The following LSAMP variants were observed in gnomAD, a reference collection of about 807,000 sequenced individuals.
LSAMP encodes limbic system associated membrane protein, also known as limbic system-associated membrane protein.
In LSAMP, 7 loss-of-function variants were observed where a neutral mutation model predicts 38.6. That is an observed-to-expected ratio of 0.18 (90% CI 0.10 to 0.34). The LOEUF is 0.34. Ranked by LOEUF, LSAMP falls within the 10% of genes least tolerant of loss-of-function variation. The pLI, the probability that LSAMP is intolerant of heterozygous loss-of-function variation, is 1.00. For missense variants in LSAMP, 313 were observed against 420.0 expected (o/e 0.75, Z 2.23); for synonymous variants, 154 against 166.8 (o/e 0.92, Z 0.59).
intron 3 of LSAMP, among the ~76,000 whole-genome samples, chr3:115,909,470 C>G (rs1249509824): frequency 6.6e-6 from 1 of 152,166 alleles, no homozygotes; most frequent in Non-Finnish European, 1.5e-5. Context: ...CATCATTCAC[C>G]TAGCTTACAT....
intron 2 of LSAMP, among the ~76,000 whole-genome samples, chr3:116,038,395 A>AT (rs1235030670): frequency 6.6e-6 from 1 of 152,302 alleles, no homozygotes; most frequent in South Asian, 2.1e-4. Flanking sequence ...AAGGGAAAGC[A>AT]TGAATAAATG....
At chr3:115,830,629 A>C (rs1273061762) in intron 6 of LSAMP, among the ~76,000 whole-genome samples, 1 of 152,212 alleles carries the variant, frequency 6.6e-6, no homozygotes, top group African/African-American at 2.4e-5. Context: ...TATTATTAAT[A>C]TTATTACCAT....
At chr3:116,430,330 G>A (rs987138231) in intron 1 of LSAMP, among the ~76,000 whole-genome samples, 20 of 151,758 alleles carry the variant, frequency 1.3e-4, no homozygotes, top group African/African-American at 4.8e-4. Flanking sequence ...AGTAATAATA[G>A]AATTCCATTA....
rs577033801 is a variant in LSAMP, at chr3:116,140,322, C to A, written c.156-53766G>T. ...AAATTAATCTTCGATTCTAGAGACACCAGACTTGTTTTTTTTTATGGGGCC... is the reference window on the plus strand; with the variant it reads ...AAATTAATCTTCGATTCTAGAGACAACAGACTTGTTTTTTTTTATGGGGCC... On this transcript the variant is annotated intron_variant, in intron 1 of 6. Coordinates refer to ENST00000490035, the MANE Select transcript of LSAMP (RefSeq NM_002338.5). 4.6e-5 allele frequency among the ~76,000 whole-genome samples: 7 copies of A among 151,370 alleles called. No homozygotes were observed. The East Asian group carries it at 1.4e-3, about 29-fold the overall frequency.
chr3:116,017,573 T>C (rs936393362), intron 3 of LSAMP, among the ~76,000 whole-genome samples: 32 of 152,114 alleles, frequency 2.1e-4, no homozygotes, highest in African/African-American at 6.3e-4. Context: ...TAATCAATTT[T>C]TAATGTGTAA....
rs115846642 is a variant in LSAMP, at chr3:115,869,966, A to G, written c.515-17349T>C. The stretch of plus-strand genomic sequence containing the variant: ...TTGGCAAGCTATGTCCCATGAGCCA[A>G]ATTTGATCTGAGTGATTTTGTATAG... On this transcript the variant is annotated intron_variant, in intron 3 of 6. Transcript: ENST00000490035. Among the ~76,000 whole-genome samples the G allele has an allele frequency of 4.1e-3, 626 of 152,212 alleles. 1 individual carries two copies. The highest frequency in any genetic ancestry group is 0.014 in the African/African-American group (602 of 41,564).
chr3:116,303,778 A>G (rs2047446347), intron 1 of LSAMP, among the ~76,000 whole-genome samples: 1 of 152,208 alleles, frequency 6.6e-6, no homozygotes, highest in Non-Finnish European at 1.5e-5. Flanking sequence ...AGCACAACAG[A>G]TTTAACAACT....
At chr3:115,863,507 A>AAG (rs1204997430) in intron 3 of LSAMP, among the ~76,000 whole-genome samples, 4 of 151,482 alleles carry the variant, frequency 2.6e-5, no homozygotes, top group African/African-American at 9.8e-5. Flanking sequence ...CCTTCTAAAC[A>AAG]ATGGGATTCA....
At chr3:115,824,916 A>G (rs1934360288) in intron 6 of LSAMP, among the ~76,000 whole-genome samples, 1 of 152,140 alleles carries the variant, frequency 6.6e-6, no homozygotes, top group Non-Finnish European at 1.5e-5. Context: ...AGGTCTCCAG[A>G]GATTTACATT....
chr3:115,819,760 C>G (rs1934167279), intron 6 of LSAMP, among the ~76,000 whole-genome samples: 1 of 152,170 alleles, frequency 6.6e-6, no homozygotes, highest in African/African-American at 2.4e-5. Flanking sequence ...CTCCCTATGC[C>G]TGTAATAAAT....
intron 1 of LSAMP, 29 bp downstream of exon 1, chr3:116,444,848 G>GCAGCAGAAAAGTTGCCC: frequency 6.2e-7 from 1 of 1,613,282 alleles, no homozygotes; most frequent in South Asian, 1.1e-5. Flanking sequence ...GTAGACGCGC[G>GCAGCAGAAAAGTTGCCC]CAGCAGAAAA....
intron 1 of LSAMP, among the ~76,000 whole-genome samples, chr3:116,111,202 G>A (rs145709624): frequency 6.6e-6 from 1 of 152,212 alleles, no homozygotes; most frequent in Non-Finnish European, 1.5e-5. Context: ...GGATGCGATG[G>A]CTTGGCTTGG....
chr3:115,844,234 C>T (rs1425306846), intron 4 of LSAMP, among the ~76,000 whole-genome samples: 1 of 152,106 alleles, frequency 6.6e-6, no homozygotes, highest in Non-Finnish European at 1.5e-5. Context: ...TATTTTCAAA[C>T]CCTTAACTAA....
intron 1 of LSAMP, among the ~76,000 whole-genome samples, chr3:116,247,912 G>A (rs1172075381): frequency 1.3e-5 from 2 of 152,182 alleles, no homozygotes; most frequent in Non-Finnish European, 2.9e-5. Context: ...GAAACATCAT[G>A]TCCTCATAAA....
At chr3:116,078,456 C>G (rs755414316) in intron 2 of LSAMP, among the ~76,000 whole-genome samples, 5 of 151,998 alleles carry the variant, frequency 3.3e-5, no homozygotes, top group Admixed American at 6.6e-5. Context: ...TCCCGAGTAG[C>G]TGGGACTACA....
At chr3:116,286,744 C>T (rs2047199456) in intron 1 of LSAMP, among the ~76,000 whole-genome samples, 1 of 152,076 alleles carries the variant, frequency 6.6e-6, no homozygotes, top group African/African-American at 2.4e-5. Context: ...CTGTACCATG[C>T]AAAAGCAGAG....
intron 1 of LSAMP, among the ~76,000 whole-genome samples, chr3:116,166,776 G>A (rs1279480093): frequency 1.5e-5 from 2 of 129,584 alleles, no homozygotes; most frequent in South Asian, 4.9e-4. Flanking sequence ...AAAATTTTTA[G>A]TTTTTTTTTT....
At chr3:116,213,712 G>T (rs567799579) in intron 1 of LSAMP, among the ~76,000 whole-genome samples, 81 of 152,164 alleles carry the variant, frequency 5.3e-4, no homozygotes, top group Non-Finnish European at 8.8e-4. Flanking sequence ...ACATACAATG[G>T]AATACTATTC....
intron 1 of LSAMP, 43 bp from the exon 2 acceptor site, chr3:116,086,599 A>C: frequency 6.7e-7 from 1 of 1,483,440 alleles, no homozygotes; most frequent in Non-Finnish European, 9.4e-7. Flanking sequence ...AACAACAACT[A>C]TTTCTGCGTT....
Sources: allele counts gnomAD v4.1 joint callset (sites outside exome capture counted in the v4.1 genomes callset), GRCh38; gene constraint gnomAD v4.1.1; transcripts MANE v1.5; gene names NCBI Gene and HGNC (gene_info 2026-07-23, HGNC 2026-07-21).